The following RXFP1 variants were observed in gnomAD, a reference collection of about 807,000 sequenced individuals.
The protein encoded by RXFP1 is relaxin receptor 1.
RXFP1 carries 73 observed loss-of-function variants against 89.8 expected under a neutral mutation model. The observed-to-expected ratio is 0.81, with a 90% CI of 0.67 to 0.99. The LOEUF is 0.99. Ranked by LOEUF, RXFP1 falls within the 50% of genes least tolerant of loss-of-function variation. The pLI is 0.00. For synonymous variants in RXFP1, 277 were observed against 305.5 expected (o/e 0.91, Z 0.97); for missense variants, 793 against 895.5 (o/e 0.89, Z 1.46).
intron 2 of RXFP1, among the ~76,000 whole-genome samples, chr4:158,574,399 A>G (rs1185272684): frequency 6.6e-6 from 1 of 152,248 alleles, no homozygotes; most frequent in East Asian, 1.9e-4. Context: ...ACTTGAAAAA[A>G]ATCAGCTAGG....
At chr4:158,602,401 C>A (rs1411127713) in intron 4 of RXFP1, among the ~76,000 whole-genome samples, 2 of 152,254 alleles carry the variant, frequency 1.3e-5, no homozygotes, top group Admixed American at 1.3e-4. Context: ...ACTTGTGTCT[C>A]TTTTATGTAT....
chr4:158,572,840 G>C lies in RXFP1; in HGVS notation c.187+5G>C, dbSNP rs758966867. On this transcript the variant is annotated splice_donor_5th_base_variant and intron_variant, in intron 2 of 17. Coordinates refer to ENST00000307765, the MANE Select transcript of RXFP1 (RefSeq NM_021634.4). ...AGGCCGATGAGGACAACTGTGGTGA[G>C]TGAAGCCCCTGCAGTCACGGTGAGA... is the stretch of plus-strand genomic sequence containing the variant. 6.2e-7 allele frequency: 1 copy of C among 1,613,966 alleles called. No homozygotes were observed. Among genetic ancestry groups the C allele is most frequent in the Non-Finnish European group, 8.5e-7 (1 of 1,179,950 alleles).
chr4:158,622,250 G>A (rs1253201103), intron 9 of RXFP1, among the ~76,000 whole-genome samples: 2 of 152,126 alleles, frequency 1.3e-5, no homozygotes, highest in Non-Finnish European at 2.9e-5. Flanking sequence ...GGCGGAGGTT[G>A]CAGTGAGCCA....
At chr4:158,541,237 A>G (rs543979492) in intron 1 of RXFP1, among the ~76,000 whole-genome samples, 1 of 152,274 alleles carries the variant, frequency 6.6e-6, no homozygotes, top group South Asian at 2.1e-4. Flanking sequence ...AGAAAAAATC[A>G]CAGATTCCAA....
intron 1 of RXFP1, among the ~76,000 whole-genome samples, chr4:158,549,968 T>C (rs1749663582): frequency 6.6e-6 from 1 of 152,326 alleles, no homozygotes; most frequent in African/African-American, 2.4e-5. Context: ...ACCACTACTC[T>C]CTTCAAAGCT....
At chr4:158,576,886 G>T (rs1211802615) in intron 2 of RXFP1, among the ~76,000 whole-genome samples, 1 of 152,188 alleles carries the variant, frequency 6.6e-6, no homozygotes, top group African/African-American at 2.4e-5. Flanking sequence ...GAGTCCAGGT[G>T]ATGGAAAAAT....
chr4:158,626,691 A>C, intron 9 of RXFP1, 129 bp from the exon 10 acceptor site: 2 of 504,928 alleles, frequency 4.0e-6, no homozygotes, highest in Non-Finnish European at 6.9e-6. Context: ...AAATGGCTAC[A>C]AGTGAGAGTC....
intron 12 of RXFP1, among the ~76,000 whole-genome samples, chr4:158,634,802 GA>G (rs1768820862): frequency 6.6e-6 from 1 of 152,092 alleles, no homozygotes; most frequent in Non-Finnish European, 1.5e-5. Flanking sequence ...TTTCCCCATT[GA>G]ATGTCCTTGG....
chr4:158,644,038 CTTCTT>C (rs1159722569), intron 14 of RXFP1, among the ~76,000 whole-genome samples: 1 of 116,840 alleles, frequency 8.6e-6, no homozygotes, highest in Non-Finnish European at 1.7e-5. Context: ...ATTTCTATGT[CTTCTT>C]TTTTTTTTTT....
At position 158,530,663 on chromosome 4, in the gene RXFP1, G is replaced by T. The variant is rs1010783295; in HGVS notation, c.49+8638G>T. Among the ~76,000 whole-genome samples the T allele has an allele frequency of 2.0e-5, 3 of 151,982 alleles. No individual in the cohort carries two copies. In the South Asian group the frequency reaches 6.2e-4, roughly 31 times the overall value. On this transcript the variant is annotated intron_variant, in intron 1 of 17. Transcript: ENST00000307765. Reference sequence around the variant, plus strand: ...AACCTCCATTTAACCTCCCTTTTTTGTGTTAAGATCAAGAGAGGTGGCCAG... The same window carrying T: ...AACCTCCATTTAACCTCCCTTTTTTTTGTTAAGATCAAGAGAGGTGGCCAG...
intron 14 of RXFP1, among the ~76,000 whole-genome samples, chr4:158,640,217 G>C (rs1382654592): frequency 6.6e-6 from 1 of 152,140 alleles, no homozygotes; most frequent in Non-Finnish European, 1.5e-5. Flanking sequence ...TGATGTGAGG[G>C]GAATCCACTT....
chr4:158,545,528 C>G (rs554367454), intron 1 of RXFP1, among the ~76,000 whole-genome samples: 142 of 152,208 alleles, frequency 9.3e-4, no homozygotes, highest in African/African-American at 3.4e-3. Context: ...CTTGCCCATG[C>G]CTATGTCCTG....
chr4:158,551,484 G>T (rs1031811532), intron 1 of RXFP1, among the ~76,000 whole-genome samples: 2 of 152,082 alleles, frequency 1.3e-5, no homozygotes, highest in Non-Finnish European at 2.9e-5. Context: ...AAATTGCTAA[G>T]AGAGTAGATT....
At chr4:158,524,380 G>C (rs745587880) in intron 1 of RXFP1, among the ~76,000 whole-genome samples, 2 of 152,136 alleles carry the variant, frequency 1.3e-5, no homozygotes, top group Non-Finnish European at 2.9e-5. Flanking sequence ...ATGCATGCCA[G>C]AGCAGTGACC....
At chr4:158,638,717 A>C (rs1769723848) in intron 13 of RXFP1, among the ~76,000 whole-genome samples, 1 of 150,382 alleles carries the variant, frequency 6.6e-6, no homozygotes, top group Non-Finnish European at 1.5e-5. Context: ...TGGGAGGCTG[A>C]GGTGGGAACA....
intron 1 of RXFP1, among the ~76,000 whole-genome samples, chr4:158,550,691 T>G (rs1749885664): frequency 6.6e-6 from 1 of 152,102 alleles, no homozygotes; most frequent in Non-Finnish European, 1.5e-5. Flanking sequence ...GGTAGAAACA[T>G]CAATAACCTT....
At chr4:158,595,385 G>C (rs562883364) in intron 3 of RXFP1, among the ~76,000 whole-genome samples, 1 of 152,294 alleles carries the variant, frequency 6.6e-6, no homozygotes, top group East Asian at 1.9e-4. Context: ...CATGTCACCT[G>C]GCAATGCCAG....
chr4:158,579,807 C>G (rs976697640), intron 2 of RXFP1, among the ~76,000 whole-genome samples: 1 of 152,198 alleles, frequency 6.6e-6, no homozygotes, highest in African/African-American at 2.4e-5. Flanking sequence ...ATAAAACCTC[C>G]TAAAGATGAT....
At chr4:158,525,350 C>T (rs1255371706) in intron 1 of RXFP1, among the ~76,000 whole-genome samples, 1 of 151,792 alleles carries the variant, frequency 6.6e-6, no homozygotes, top group Non-Finnish European at 1.5e-5. Flanking sequence ...AATTAAATAA[C>T]TTCTCACCAC....
Sources: allele counts gnomAD v4.1 joint callset (sites outside exome capture counted in the v4.1 genomes callset), GRCh38; gene constraint gnomAD v4.1.1; transcripts MANE v1.5; gene names NCBI Gene and HGNC (gene_info 2026-07-23, HGNC 2026-07-21).